SLC44A5: variants seen among roughly 807,000 people sequenced by gnomAD.
SLC44A5 encodes choline transporter-like protein 5.
A neutral mutation model predicts 101.8 loss-of-function variants in SLC44A5; 57 were observed. The observed-to-expected ratio is 0.56, with a 90% CI of 0.45 to 0.70. The LOEUF (loss-of-function observed/expected upper bound fraction) is 0.70. Among genes scored for constraint, SLC44A5 ranks in the 30% least tolerant of loss-of-function variants. SLC44A5 has a pLI of 0.00. For missense variants in SLC44A5, 737 were observed against 853.1 expected (o/e 0.86, Z 1.70); for synonymous variants, 281 against 290.9 (o/e 0.97, Z 0.35).
intron 1 of SLC44A5, among the ~76,000 whole-genome samples, chr1:75,577,885 T>C (rs1449529951): frequency 1.3e-5 from 2 of 152,166 alleles, no homozygotes; most frequent in Non-Finnish European, 2.9e-5. Flanking sequence ...TAGTTGTTGT[T>C]TACTCAGGAT....
At chr1:75,510,039 C>G (rs1224772658) in intron 2 of SLC44A5, among the ~76,000 whole-genome samples, 1 of 152,104 alleles carries the variant, frequency 6.6e-6, no homozygotes, top group Non-Finnish European at 1.5e-5. Flanking sequence ...GGGAAACTCC[C>G]CTTTATAAAA....
the SLC44A5 span, among the ~76,000 whole-genome samples, chr1:75,703,814 G>A: frequency 6.6e-6 from 1 of 152,044 alleles, no homozygotes; most frequent in African/African-American, 2.4e-5. Flanking sequence ...TGCATCTGCA[G>A]GGAAGCCCAT....
chr1:75,658,160 G>A, the SLC44A5 span, among the ~76,000 whole-genome samples: 7 of 151,952 alleles, frequency 4.6e-5, no homozygotes, highest in Non-Finnish European at 7.4e-5. Flanking sequence ...CTGCAGCCTC[G>A]ACCTCTGAGC....
chr1:75,388,622 T>G (rs1318310342), intron 3 of SLC44A5, among the ~76,000 whole-genome samples: 1 of 151,732 alleles, frequency 6.6e-6, no homozygotes, highest in African/African-American at 2.4e-5. Flanking sequence ...CTACTAATAA[T>G]ACAAAAATTA....
At chr1:75,351,484 TTTA>T (rs1379321508) in intron 3 of SLC44A5, among the ~76,000 whole-genome samples, 1 of 152,024 alleles carries the variant, frequency 6.6e-6, no homozygotes, top group Admixed American at 6.6e-5. Context: ...AGAGAGAGGA[TTTA>T]TTAAGCAGTG....
chr1:75,548,779 G>A (rs1042145233), intron 1 of SLC44A5, among the ~76,000 whole-genome samples: 3 of 152,092 alleles, frequency 2.0e-5, no homozygotes, highest in African/African-American at 7.2e-5. Context: ...TCAGCCCAAA[G>A]CTCCCACTTT....
chr1:75,718,351 G>C, the SLC44A5 span, among the ~76,000 whole-genome samples: 1 of 152,194 alleles, frequency 6.6e-6, no homozygotes. Context: ...CCTTTGTGGA[G>C]TGTTTACTAG....
chr1:75,517,486 A>C (rs1479000586), intron 2 of SLC44A5, among the ~76,000 whole-genome samples: 3 of 152,106 alleles, frequency 2.0e-5, no homozygotes, highest in South Asian at 2.1e-4. Flanking sequence ...AAACAGCCCC[A>C]AAAAAACAAA....
chr1:75,484,623 C>G lies in SLC44A5; in HGVS notation c.13+56812G>C, dbSNP rs187825647. 1.8e-3 allele frequency among the ~76,000 whole-genome samples: 269 copies of G among 152,328 alleles called. 3 individuals are homozygous for G. Among genetic ancestry groups the G allele is most frequent in the Non-Finnish European group, 3.4e-3 (228 of 68,030 alleles). On this transcript the variant is annotated intron_variant, in intron 2 of 23. Transcript: ENST00000370859. ...TTCTAGGGTCTGGAGGATGGTGGCC[C>G]TCTTCTTACAGCTCCCCTAGGCAAC...
intron 7 of SLC44A5, among the ~76,000 whole-genome samples, chr1:75,247,545 T>A (rs560253910): frequency 6.6e-6 from 1 of 152,108 alleles, no homozygotes; most frequent in Non-Finnish European, 1.5e-5. Flanking sequence ...GGTGAGATCA[T>A]CAAAAAAGTA....
intron 2 of SLC44A5, among the ~76,000 whole-genome samples, chr1:75,457,765 G>A (rs1557804707): frequency 6.6e-6 from 1 of 151,940 alleles, no homozygotes; most frequent in Non-Finnish European, 1.5e-5. Flanking sequence ...GCTGAGGCAG[G>A]AAAATAGCTT....
intron 4 of SLC44A5, among the ~76,000 whole-genome samples, chr1:75,321,749 TATA>T (rs1656167148): frequency 6.6e-6 from 1 of 152,352 alleles, no homozygotes; most frequent in East Asian, 1.9e-4. Flanking sequence ...AATCATGCTT[TATA>T]TAAATGATAA....
At position 75,515,817 on chromosome 1, in the gene SLC44A5, C is replaced by T. The variant is rs558598889; in HGVS notation, c.13+25618G>A. Among the ~76,000 whole-genome samples the T allele has an allele frequency of 1.9e-3, 288 of 152,124 alleles. 1 individual carries two copies. Among genetic ancestry groups the T allele is most frequent in the Middle Eastern group, 0.01 (3 of 294 alleles). ...GATCATATGGTAGTTCTATTTTTAG[C>T]TTGCTGAAGAACCTCTATAGAATTT... On this transcript the variant is annotated intron_variant, in intron 2 of 23. Transcript: ENST00000370859.
At chr1:75,618,018 T>C in the SLC44A5 span, among the ~76,000 whole-genome samples, 176 of 152,296 alleles carry the variant, frequency 1.2e-3, 1 homozygote, top group African/African-American at 4.0e-3. Context: ...TTCGTGGAGG[T>C]ATGATAACTT....
At chr1:75,640,601 C>G in the SLC44A5 span, among the ~76,000 whole-genome samples, 1 of 152,026 alleles carries the variant, frequency 6.6e-6, no homozygotes, top group Non-Finnish European at 1.5e-5. Context: ...CTCTCTCTCT[C>G]TGGGGGAAAT....
intron 2 of SLC44A5, among the ~76,000 whole-genome samples, chr1:75,467,760 A>G (rs1344324196): frequency 6.6e-6 from 1 of 152,210 alleles, no homozygotes; most frequent in African/African-American, 2.4e-5. Context: ...ACTCTCCAGG[A>G]CATTGTTCTG....
chr1:75,229,213 A>G (rs1647343135), intron 12 of SLC44A5, among the ~76,000 whole-genome samples: 1 of 151,796 alleles, frequency 6.6e-6, no homozygotes, highest in Non-Finnish European at 1.5e-5. Context: ...TCATCTCCTT[A>G]CTGGTCTCGT....
At chr1:75,434,658 GT>G (rs904940111) in intron 2 of SLC44A5, among the ~76,000 whole-genome samples, 56 of 152,148 alleles carry the variant, frequency 3.7e-4, no homozygotes, top group African/African-American at 1.3e-3. Context: ...CTAACCTACT[GT>G]TTTGCCTGAT....
At chr1:75,414,308 T>TATCC (rs1557760686) in intron 2 of SLC44A5, among the ~76,000 whole-genome samples, 1 of 141,978 alleles carries the variant, frequency 7.0e-6, no homozygotes, top group Non-Finnish European at 1.5e-5. Context: ...CATACATACA[T>TATCC]ACATACATAT....
Sources: gnomAD v4.1 joint callset for allele counts (sites outside exome capture counted in the v4.1 genomes callset) on GRCh38, gnomAD v4.1.1 for gene constraint, MANE v1.5 for transcripts, NCBI Gene and HGNC (gene_info 2026-07-23, HGNC 2026-07-21) for gene names.